PGAP1: variants seen among roughly 807,000 people sequenced by gnomAD.
PGAP1 encodes post-GPI attachment to proteins inositol deacylase 1.
PGAP1 carries 76 observed loss-of-function variants against 127.0 expected under a neutral mutation model. That is an observed-to-expected ratio of 0.60 (90% confidence interval 0.50 to 0.72). The LOEUF (loss-of-function observed/expected upper bound fraction) is 0.72. Ranked by LOEUF, PGAP1 falls within the 30% of genes least tolerant of loss-of-function variation. The pLI is 0.00. For synonymous variants in PGAP1, 362 were observed against 366.5 expected, an observed-to-expected ratio of 0.99 and a Z score of 0.14; for missense variants, 982 against 1,071.3, an observed-to-expected ratio of 0.92 and a Z score of 1.16.
chr2:196,897,436 C>G (rs930878075), intron 6 of PGAP1, among the ~76,000 whole-genome samples: 1 of 152,162 alleles, frequency 6.6e-6, no homozygotes, highest in African/African-American at 2.4e-5. Flanking sequence ...TCTGTTTTCC[C>G]TGAATCCCCT....
chr2:196,871,307 A>C (rs909597432), intron 18 of PGAP1, among the ~76,000 whole-genome samples: 9 of 152,196 alleles, frequency 5.9e-5, no homozygotes, highest in African/African-American at 2.2e-4. Context: ...TTAAGCCAAA[A>C]TAATATTTTA....
At chr2:196,902,786 C>A in intron 4 of PGAP1, 44 bp from the exon 5 acceptor site, 2 of 1,441,622 alleles carry the variant, frequency 1.4e-6, no homozygotes, top group South Asian at 1.3e-5. Context: ...AGTAGCCATT[C>A]CCTGAAACAA....
At chr2:196,842,591 A>G in intron 26 of PGAP1, 130 bp downstream of exon 26, 1 of 396,964 alleles carries the variant, frequency 2.5e-6, no homozygotes, top group Non-Finnish European at 4.5e-6. Flanking sequence ...TTGCATATAA[A>G]CCATAATACT....
At position 196,839,735 on chromosome 2, in the gene PGAP1, A is replaced by C. The variant is rs1052673644; in HGVS notation, c.*1499T>G. 6.6e-6 allele frequency: 1 copy of C among 152,248 alleles called. No homozygotes were observed. The highest frequency in any genetic ancestry group is 1.9e-4 in the East Asian group (1 of 5,202). The allele number at this position is 152,248 out of a possible 1,614,324, so 9.4% of individuals were successfully genotyped here. On this transcript the variant is annotated 3_prime_UTR_variant, in exon 27 of 27. Transcript: ENST00000354764. ...TAACTCTCTACAGGCAGTAAGCAGA[A>C]GTAACTGTCCACAGGCAGTAACAGC...
chr2:196,864,338 C>T (rs756832220), intron 20 of PGAP1, among the ~76,000 whole-genome samples: 4 of 130,102 alleles, frequency 3.1e-5, no homozygotes, highest in South Asian at 2.4e-4. Context: ...TACAGTGAAC[C>T]GAGATTGCAC....
Position 196,897,133 on chromosome 2 carries a change from GT to G in PGAP1, c.924del (p.Lys308AsnfsTer3). ...ATTTTTAGTTTAAAAATACATACTT[GT>G]TTAGTATCAGCATCAATAAGATCAA... ...AFFDLIDADT[K>X]QITQNSKKKL... On this transcript the variant is annotated frameshift_variant, in exon 7 of 27. Transcript: ENST00000354764. LOFTEE classifies it high-confidence loss of function. The G allele has an allele frequency of 6.5e-7, 1 of 1,533,960 alleles. No individual in the cohort carries two copies. Among genetic ancestry groups the G allele is most frequent in the Non-Finnish European group, 8.9e-7 (1 of 1,121,482 alleles).
At chr2:196,913,997 T>C (rs1702920753) in intron 3 of PGAP1, among the ~76,000 whole-genome samples, 1 of 152,210 alleles carries the variant, frequency 6.6e-6, no homozygotes, top group Non-Finnish European at 1.5e-5. Flanking sequence ...TCTAATGAGC[T>C]TCCCTTGTGG....
chr2:196,903,864 T>A (rs1702587802), intron 4 of PGAP1, among the ~76,000 whole-genome samples: 1 of 152,206 alleles, frequency 6.6e-6, no homozygotes, highest in Non-Finnish European at 1.5e-5. Flanking sequence ...ATTCTTTTTG[T>A]GATTATCAAA....
In PGAP1 at chr2:196,834,723, C is replaced by T. The variant is rs1162629462; in HGVS notation, c.*6511G>A. 3 of 151,744 alleles carry T rather than the reference C, an allele frequency of 2.0e-5. No homozygotes were observed. Among genetic ancestry groups the T allele is most frequent in the Non-Finnish European group, 4.4e-5 (3 of 67,806 alleles). The allele number at this position is 151,744 out of a possible 1,614,324, so 9.4% of individuals were successfully genotyped here. On this transcript the variant is annotated 3_prime_UTR_variant, in exon 27 of 27. Transcript: ENST00000354764. ...GTGGAGGAAGGGAAGGTTATTTCTA[C>T]CAGTATTCCAACAAATACATATTTG... is the stretch of plus-strand genomic sequence containing the variant.
At chr2:196,870,696 G>A (rs1192978341) in intron 19 of PGAP1, among the ~76,000 whole-genome samples, 2 of 152,040 alleles carry the variant, frequency 1.3e-5, no homozygotes, top group African/African-American at 4.8e-5. Context: ...TTAAAGCAGG[G>A]GTGGGCAAAT....
intron 12 of PGAP1, among the ~76,000 whole-genome samples, chr2:196,881,714 T>G (rs6757559): frequency 1.3e-5 from 2 of 152,064 alleles, no homozygotes; most frequent in African/African-American, 2.4e-5. Flanking sequence ...TTTTAATGAA[T>G]TGTTTTTATC....
At chr2:196,883,204 G>A (rs777382606) in intron 12 of PGAP1, among the ~76,000 whole-genome samples, 4 of 152,148 alleles carry the variant, frequency 2.6e-5, no homozygotes, top group Non-Finnish European at 5.9e-5. Flanking sequence ...TGTGGGGTGG[G>A]AGTAGTTATA....
At chr2:196,874,191 A>C (rs1416469642) in intron 14 of PGAP1, among the ~76,000 whole-genome samples, 3 of 152,114 alleles carry the variant, frequency 2.0e-5, no homozygotes, top group African/African-American at 7.2e-5. Flanking sequence ...AAAATGTAAA[A>C]AAAATATTTA....
At chr2:196,876,845 A>G (rs1483271382) in intron 13 of PGAP1, among the ~76,000 whole-genome samples, 1 of 152,066 alleles carries the variant, frequency 6.6e-6, no homozygotes, top group Non-Finnish European at 1.5e-5. Flanking sequence ...ACTTGGGGGA[A>G]TAAAAGAAAA....
At chr2:196,901,831 A>G (rs1448658331) in intron 5 of PGAP1, among the ~76,000 whole-genome samples, 1 of 152,224 alleles carries the variant, frequency 6.6e-6, no homozygotes, top group Admixed American at 6.5e-5. Context: ...TATGTGATAT[A>G]TTTGATATTC....
chr2:196,861,003 G>A (rs915383954), intron 20 of PGAP1, among the ~76,000 whole-genome samples: 2 of 152,022 alleles, frequency 1.3e-5, no homozygotes, highest in African/African-American at 4.8e-5. Flanking sequence ...TAAGCCAATA[G>A]AACATAATAG....
chr2:196,888,799 T>A (rs1171026022), intron 10 of PGAP1, among the ~76,000 whole-genome samples: 1 of 152,114 alleles, frequency 6.6e-6, no homozygotes, highest in African/African-American at 2.4e-5. Context: ...TTTGGTTGGA[T>A]GAAATAATGG....
chr2:196,859,585 T>C (rs1700996232), intron 20 of PGAP1, among the ~76,000 whole-genome samples: 1 of 151,852 alleles, frequency 6.6e-6, no homozygotes, highest in African/African-American at 2.4e-5. Flanking sequence ...CAGGCCAATA[T>C]CTCTAATGAA....
chr2:196,855,325 CA>C (rs112534782), intron 20 of PGAP1, among the ~76,000 whole-genome samples: 377 of 67,154 alleles, frequency 5.6e-3, no homozygotes, highest in Non-Finnish European at 9.2e-3. Flanking sequence ...ACTCTGTCAC[CA>C]AAAAAAAAAA....
Sources: gnomAD v4.1 joint callset for allele counts (sites outside exome capture counted in the v4.1 genomes callset) on GRCh38, gnomAD v4.1.1 for gene constraint, MANE v1.5 for transcripts, NCBI Gene and HGNC (gene_info 2026-07-23, HGNC 2026-07-21) for gene names.